ADCY9: variants seen among roughly 807,000 people sequenced by gnomAD.
ADCY9 encodes adenylate cyclase 9, also known as adenylate cyclase type 9.
Under a neutral mutation model 101.5 loss-of-function variants are expected in ADCY9, and 50 were observed. The observed-to-expected ratio is 0.49, with a 90% CI of 0.39 to 0.62. ADCY9 has a LOEUF of 0.62. ADCY9 is among the 20% of genes least tolerant of loss of function. The pLI is 0.00. For missense variants in ADCY9, 1,662 were observed against 1,800.4 expected, an observed-to-expected ratio of 0.92 and a Z score of 1.39; for synonymous variants, 905 against 769.3, an observed-to-expected ratio of 1.18 and a Z score of -2.92.
At position 3,974,674 on chromosome 16, in the gene ADCY9, A is replaced by C. The variant is rs2056079141; in HGVS notation, c.2865T>G (p.Asn955Lys). The part of the protein sequence containing the change: ...VLTSPLDAVQ[N>K]FSSERNPCNS... The stretch of plus-strand genomic sequence containing the variant: ...GTGCAATATTAAAAGCTTACCTGAA[A>C]TTCTGTACTGCGTCAAGGGGCGAAG... Residue 955 changes from asparagine to lysine, a missense_variant, in exon 10 of 11, where the codon AAT becomes AAG. Asn to Lys is a moderately conservative substitution (Grantham distance 94, BLOSUM62 0). Around this residue, in one of 5 missense-constraint regions of ADCY9, gnomAD observed 624 missense variants for 639.1 expected, o/e 0.98. Transcript: ENST00000294016. 1.2e-6 allele frequency: 2 copies of C among 1,612,562 alleles called. No individual in the cohort carries two copies. Among genetic ancestry groups the C allele is most frequent in the African/African-American group, 2.7e-5 (2 of 74,896 alleles).
chr16:4,062,215 T>A (rs2056777598), intron 2 of ADCY9, among the ~76,000 whole-genome samples: 1 of 152,162 alleles, frequency 6.6e-6, no homozygotes, highest in Non-Finnish European at 1.5e-5. Context: ...CATATTGCAA[T>A]CCTTAGAGTA....
At chr16:4,028,629 A>G (rs2042850745) in intron 2 of ADCY9, among the ~76,000 whole-genome samples, 1 of 152,212 alleles carries the variant, frequency 6.6e-6, no homozygotes, top group African/African-American at 2.4e-5. Flanking sequence ...GATGGACCTC[A>G]TGGGATGATG....
chr16:3,965,815 G>A lies in ADCY9; in HGVS notation c.4022C>T (p.Ala1341Val), dbSNP rs1451398810. Residue 1341 changes from alanine (A) to valine (V), a missense_variant, in exon 11 of 11, where the codon GCC becomes GTC. Physicochemically the swap from Ala to Val is moderately conservative, Grantham distance 64. This residue lies in a region of ADCY9 where 168 missense variants were observed against 155.3 expected (regional missense o/e 1.08). Coordinates refer to ENST00000294016, the MANE Select transcript of ADCY9 (RefSeq NM_001116.4). The stretch of plus-strand genomic sequence containing the variant: ...AACGTTGAGCTTGGTGAGTTCGTTG[G>A]CTTCTTCTATTCCTGTTTCGTCACA... ...DDCDETGIEEANELTKLNVSK... is the reference protein window; with the variant it reads ...DDCDETGIEEVNELTKLNVSK... The A allele has an allele frequency of 6.2e-7, 1 of 1,613,902 alleles. No individual in the cohort carries two copies. Among genetic ancestry groups the A allele is most frequent in the Admixed American group, 1.7e-5 (1 of 59,920 alleles).
At chr16:3,969,372 G>A (rs144756957) in intron 10 of ADCY9, among the ~76,000 whole-genome samples, 7 of 149,958 alleles carry the variant, frequency 4.7e-5, no homozygotes, top group East Asian at 4.0e-4. Flanking sequence ...CCAGCCTCCT[G>A]AGTAGTGTGC....
At chr16:4,106,709 T>TA (rs1333552550) in intron 2 of ADCY9, among the ~76,000 whole-genome samples, 2 of 151,970 alleles carry the variant, frequency 1.3e-5, no homozygotes, top group South Asian at 2.1e-4. Flanking sequence ...AGACGAGACT[T>TA]ACGGCCCACG....
downstream of ADCY9, among the ~76,000 whole-genome samples, chr16:3,958,060 G>T (rs1010957854): frequency 6.6e-6 from 1 of 151,372 alleles, no homozygotes; most frequent in African/African-American, 2.5e-5. Context: ...GCCAGGGCTG[G>T]GGGGGATTGG....
At chr16:4,095,394 C>T (rs199898125) in intron 2 of ADCY9, among the ~76,000 whole-genome samples, 2 of 119,922 alleles carry the variant, frequency 1.7e-5, no homozygotes, top group African/African-American at 5.1e-5. Flanking sequence ...CTTGCACACT[C>T]AATATAGGGC....
chr16:3,953,882 G>C (rs2055894055), intron 5 of ADCY9, among the ~76,000 whole-genome samples: 1 of 152,238 alleles, frequency 6.6e-6, no homozygotes, highest in Non-Finnish European at 1.5e-5. Context: ...GGAGGTCGCT[G>C]TCAGAGCCGC....
chr16:3,991,398 G>A (rs926475975), intron 5 of ADCY9, among the ~76,000 whole-genome samples: 10 of 152,024 alleles, frequency 6.6e-5, no homozygotes, highest in African/African-American at 2.4e-4. Flanking sequence ...CTGGCCAGAG[G>A]GAGAGCCTGA....
chr16:4,048,401 G>T (rs187383158), intron 2 of ADCY9, among the ~76,000 whole-genome samples: 67 of 152,202 alleles, frequency 4.4e-4, no homozygotes, highest in African/African-American at 1.6e-3. Context: ...GTTTATTCCT[G>T]GGTCACATTC....
At chr16:4,057,751 G>C (rs1470638872) in intron 2 of ADCY9, among the ~76,000 whole-genome samples, 1 of 152,160 alleles carries the variant, frequency 6.6e-6, no homozygotes, top group Non-Finnish European at 1.5e-5. Flanking sequence ...GGCCCGGGGA[G>C]CATTTACGGC....
chr16:4,029,070 A>T (rs569506406), intron 2 of ADCY9, among the ~76,000 whole-genome samples: 6 of 152,138 alleles, frequency 3.9e-5, no homozygotes, highest in Non-Finnish European at 8.8e-5. Context: ...GACGTGAGCC[A>T]CTGCGCCCGG....
chr16:4,023,464 G>C (rs915420096), intron 2 of ADCY9, among the ~76,000 whole-genome samples: 1 of 150,312 alleles, frequency 6.7e-6, no homozygotes, highest in Non-Finnish European at 1.5e-5. Flanking sequence ...TAGGTCTGGG[G>C]AAGGCACGAG....
At chr16:4,024,886 C>T (rs192056919) in intron 2 of ADCY9, among the ~76,000 whole-genome samples, 4 of 152,196 alleles carry the variant, frequency 2.6e-5, no homozygotes, top group East Asian at 1.9e-4. Flanking sequence ...CACGCTCAAG[C>T]GATAGGGACA....
intron 3 of ADCY9, among the ~76,000 whole-genome samples, chr16:4,004,244 A>G (rs1262910116): frequency 9.6e-6 from 1 of 103,666 alleles, no homozygotes; most frequent in Non-Finnish European, 1.9e-5. Context: ...GCGAGATCCC[A>G]TCTCTTTAAA....
At chr16:3,993,732 C>A (rs2056265850) in intron 3 of ADCY9, among the ~76,000 whole-genome samples, 1 of 152,166 alleles carries the variant, frequency 6.6e-6, no homozygotes, top group Non-Finnish European at 1.5e-5. Flanking sequence ...AAAATGGAAC[C>A]GGGAATGTTC....
At chr16:4,043,508 T>C (rs896342365) in intron 2 of ADCY9, among the ~76,000 whole-genome samples, 3 of 151,364 alleles carry the variant, frequency 2.0e-5, no homozygotes, top group East Asian at 2.0e-4. Context: ...ACCCCATCTC[T>C]ACTAAAAATA....
At chr16:3,974,608 T>C in intron 10 of ADCY9, 61 bp downstream of exon 10, 1 of 1,379,990 alleles carries the variant, frequency 7.2e-7, no homozygotes, top group Non-Finnish European at 1.0e-6. Context: ...AGCTTCGAAA[T>C]GGGCAGGGTA....
chr16:3,959,178 T>C (rs2055924688), downstream of ADCY9, among the ~76,000 whole-genome samples: 1 of 152,006 alleles, frequency 6.6e-6, no homozygotes, highest in South Asian at 2.1e-4. Flanking sequence ...CTGAGCAACA[T>C]GGTGAAACCC....
Sources: allele counts gnomAD v4.1 joint callset (sites outside exome capture counted in the v4.1 genomes callset), GRCh38; gene constraint gnomAD v4.1.1; regional missense constraint gnomAD v4.1.1; transcripts MANE v1.5; gene names NCBI Gene and HGNC (gene_info 2026-07-23, HGNC 2026-07-21).